CCDC178: variants seen among roughly 807,000 people sequenced by gnomAD.
The protein encoded by CCDC178 is coiled-coil domain containing 178, also known as coiled-coil domain-containing protein 178.
CCDC178 carries 126 observed loss-of-function variants against 117.4 expected under a neutral mutation model. That is an observed-to-expected ratio of 1.07 (90% confidence interval 0.93 to 1.24). CCDC178 has a LOEUF of 1.24. CCDC178 is among the 50% of genes most tolerant of loss of function. CCDC178 has a pLI of 0.00. For missense variants in CCDC178, 1,030 were observed against 986.9 expected, an observed-to-expected ratio of 1.04 and a Z score of -0.59; for synonymous variants, 283 against 313.4, an observed-to-expected ratio of 0.90 and a Z score of 1.02.
intron 21 of CCDC178, among the ~76,000 whole-genome samples, chr18:33,061,880 C>T (rs1567964166): frequency 6.6e-6 from 1 of 151,960 alleles, no homozygotes; most frequent in Non-Finnish European, 1.5e-5. Context: ...ATCTCTGATT[C>T]AAATCAGATA....
At chr18:33,014,306 T>A (rs958010921) in intron 21 of CCDC178, among the ~76,000 whole-genome samples, 1 of 152,214 alleles carries the variant, frequency 6.6e-6, no homozygotes, top group Non-Finnish European at 1.5e-5. Context: ...TTAATCAGTG[T>A]AAACAAGCGC....
chr18:32,985,312 A>C (rs929828946), intron 21 of CCDC178, among the ~76,000 whole-genome samples: 1 of 152,016 alleles, frequency 6.6e-6, no homozygotes, highest in African/African-American at 2.4e-5. Context: ...AATACGCCAC[A>C]CAATCATGCA....
intron 11 of CCDC178, among the ~76,000 whole-genome samples, chr18:33,304,658 T>C (rs1024626121): frequency 1.3e-5 from 2 of 152,166 alleles, no homozygotes; most frequent in African/African-American, 4.8e-5. Context: ...ACAGGATGCC[T>C]GGATAAAAAG....
intron 9 of CCDC178, among the ~76,000 whole-genome samples, chr18:33,344,003 C>T (rs1020060805): frequency 6.6e-6 from 1 of 152,102 alleles, no homozygotes; most frequent in Non-Finnish European, 1.5e-5. Flanking sequence ...AAAGAGAAAG[C>T]TATTAACTTT....
chr18:33,179,121 T>C (rs1198768740), intron 20 of CCDC178, among the ~76,000 whole-genome samples: 1 of 100,604 alleles, frequency 9.9e-6, no homozygotes, highest in African/African-American at 3.5e-5. Context: ...ACTATATATA[T>C]ATATATAAAC....
intron 21 of CCDC178, among the ~76,000 whole-genome samples, chr18:33,032,513 T>A (rs1598808799): frequency 6.6e-6 from 1 of 152,258 alleles, no homozygotes; most frequent in East Asian, 1.9e-4. Context: ...TATAAAATTA[T>A]CCTTGCATTT....
At chr18:33,235,654 C>G (rs900139495) in intron 15 of CCDC178, among the ~76,000 whole-genome samples, 6 of 152,120 alleles carry the variant, frequency 3.9e-5, no homozygotes, top group African/African-American at 1.4e-4. Flanking sequence ...CACTTTTCCA[C>G]CAGAATTCCA....
At chr18:33,398,276 T>G (rs1189155943) in intron 3 of CCDC178, among the ~76,000 whole-genome samples, 1 of 151,998 alleles carries the variant, frequency 6.6e-6, no homozygotes, top group Non-Finnish European at 1.5e-5. Flanking sequence ...TGAAAATAAA[T>G]TATATTCCAT....
chr18:33,364,243 G>A (rs967067837), intron 6 of CCDC178, among the ~76,000 whole-genome samples: 3 of 151,986 alleles, frequency 2.0e-5, no homozygotes, highest in African/African-American at 7.2e-5. Context: ...CAAAGTGTTG[G>A]AGTACATGTG....
chr18:32,982,276 T>C (rs557055137), intron 21 of CCDC178, among the ~76,000 whole-genome samples: 29 of 152,256 alleles, frequency 1.9e-4, no homozygotes, highest in Non-Finnish European at 3.5e-4. Flanking sequence ...GTCCTTATAA[T>C]GAATTTCTCC....
chr18:33,091,977 A>T (rs1376457422), intron 21 of CCDC178, among the ~76,000 whole-genome samples: 2 of 152,310 alleles, frequency 1.3e-5, no homozygotes, highest in South Asian at 4.1e-4. Flanking sequence ...CCGTAAGTAT[A>T]GCACTGCTAT....
intron 21 of CCDC178, among the ~76,000 whole-genome samples, chr18:33,045,443 C>T (rs1207486975): frequency 6.6e-6 from 1 of 152,120 alleles, no homozygotes. Flanking sequence ...TAGATATTTG[C>T]TAACTAGCAG....
At chr18:33,193,128 T>C (rs778354080) in intron 20 of CCDC178, among the ~76,000 whole-genome samples, 29 of 150,328 alleles carry the variant, frequency 1.9e-4, no homozygotes, top group Admixed American at 6.0e-4. Flanking sequence ...CCGGGCGTGG[T>C]GGCAGGCGCC....
At chr18:33,109,451 C>T (rs2057751341) in intron 20 of CCDC178, among the ~76,000 whole-genome samples, 3 of 151,654 alleles carry the variant, frequency 2.0e-5, no homozygotes, top group East Asian at 1.9e-4. Flanking sequence ...AGGTTGTGGT[C>T]GATGGGTTTT....
chr18:33,192,771 G>C (rs941685435), intron 20 of CCDC178, among the ~76,000 whole-genome samples: 1 of 151,628 alleles, frequency 6.6e-6, no homozygotes, highest in East Asian at 2.0e-4. Flanking sequence ...CATGGTGGCG[G>C]GTGCCTGTAA....
chr18:33,372,711 T>C lies in CCDC178; in HGVS notation c.209-2522A>G, dbSNP rs114088772. Reference sequence around the variant, plus strand: ...TGAAACTTCCATTTGAGAAAAAATATCAACTAGTTGTTTGTGTGGGCAAAT... The same window carrying C: ...TGAAACTTCCATTTGAGAAAAAATACCAACTAGTTGTTTGTGTGGGCAAAT... On this transcript the variant is annotated intron_variant, in intron 5 of 22. Coordinates refer to ENST00000383096, the MANE Select transcript of CCDC178 (RefSeq NM_001105528.4). 9.6e-3 allele frequency among the ~76,000 whole-genome samples: 1,466 copies of C among 152,230 alleles called. 17 individuals are homozygous for C. Among genetic ancestry groups the C allele is most frequent in the African/African-American group, 0.033 (1,388 of 41,556 alleles).
At chr18:33,030,683 GT>G (rs1456214755) in intron 21 of CCDC178, among the ~76,000 whole-genome samples, 2 of 151,836 alleles carry the variant, frequency 1.3e-5, no homozygotes, top group African/African-American at 4.8e-5. Context: ...GTAGATAGAT[GT>G]AGATATAGAT....
intron 21 of CCDC178, among the ~76,000 whole-genome samples, chr18:33,073,008 T>C (rs1242644032): frequency 1.3e-5 from 2 of 152,298 alleles, no homozygotes; most frequent in South Asian, 2.1e-4. Context: ...TGGATTTTTC[T>C]AGACTTTTTA....
intron 14 of CCDC178, among the ~76,000 whole-genome samples, chr18:33,259,586 T>C (rs574238682): frequency 2.0e-5 from 3 of 151,810 alleles, no homozygotes; most frequent in Admixed American, 1.3e-4. Context: ...AAGAATCAGA[T>C]CTCCTGAGAA....
Sources: gnomAD v4.1 joint callset for allele counts (sites outside exome capture counted in the v4.1 genomes callset) on GRCh38, gnomAD v4.1.1 for gene constraint, MANE v1.5 for transcripts, NCBI Gene and HGNC (gene_info 2026-07-23, HGNC 2026-07-21) for gene names.